CLTC: variants seen among roughly 807,000 people sequenced by gnomAD.
CLTC encodes clathrin heavy chain, also known as clathrin heavy chain 1.
Under a neutral mutation model 195.8 loss-of-function variants are expected in CLTC, and 16 were observed. That is an observed-to-expected ratio of 0.08 (90% CI 0.06 to 0.12). The LOEUF (loss-of-function observed/expected upper bound fraction) is 0.12. Ranked by LOEUF, CLTC falls within the 10% of genes least tolerant of loss-of-function variation. The pLI is 1.00. For missense variants in CLTC, 796 were observed against 2,027.0 expected, an observed-to-expected ratio of 0.39 and a Z score of 11.66; for synonymous variants, 667 against 689.4, an observed-to-expected ratio of 0.97 and a Z score of 0.51.
intron 1 of CLTC, among the ~76,000 whole-genome samples, chr17:59,643,321 C>T (rs1413080421): frequency 6.6e-6 from 1 of 151,956 alleles, no homozygotes; most frequent in Non-Finnish European, 1.5e-5. Flanking sequence ...TATTAATAAC[C>T]CACTATGGTA....
In CLTC at chr17:59,629,863, C is replaced by T. The variant is rs188362191; in HGVS notation, c.42+9690C>T. On this transcript the variant is annotated intron_variant, in intron 1 of 31. Transcript: ENST00000269122. The stretch of plus-strand genomic sequence containing the variant: ...AGAAAGATAAGAGAAAAACAACTCT[C>T]CTGATAACGCAAATAGATTTGATGT... 5.9e-5 allele frequency among the ~76,000 whole-genome samples: 9 copies of T among 151,916 alleles called. No individual in the cohort carries two copies. The East Asian group carries it at 1.8e-3, about 30-fold the overall frequency.
Position 59,682,292 on chromosome 17 carries a change from A to G in CLTC, c.3464A>G (p.Lys1155Arg). 1 of 1,614,046 alleles carries G rather than the reference A, an allele frequency of 6.2e-7. No individual in the cohort carries two copies. The highest frequency in any genetic ancestry group is 8.5e-7 in the Non-Finnish European group (1 of 1,179,928). The change falls in exon 22 of 32, where the codon AAG (lysine) becomes AGG (arginine). Residue 1155 changes from lysine to arginine, a missense_variant. Coordinates refer to ENST00000269122, the MANE Select transcript of CLTC (RefSeq NM_004859.4). The surrounding 1 kb of genome is among the most constrained non-coding windows in gnomAD (Gnocchi z 6.8). Reference sequence around the variant, plus strand: ...TTAGGAAACTGGGAAGAACTGGTGAAGTACTTGCAGATGGCCCGTAAGAAG... The same window carrying G: ...TTAGGAAACTGGGAAGAACTGGTGAGGTACTTGCAGATGGCCCGTAAGAAG... Reference protein sequence around the residue: ...NTSGNWEELVKYLQMARKKAR... With the variant: ...NTSGNWEELVRYLQMARKKAR...
At chr17:59,635,303 C>G (rs1014744569) in intron 1 of CLTC, among the ~76,000 whole-genome samples, 1 of 152,178 alleles carries the variant, frequency 6.6e-6, no homozygotes, top group Non-Finnish European at 1.5e-5. Flanking sequence ...CTGTCATAAA[C>G]CAGTTTTCAT....
Position 59,681,095 on chromosome 17 carries a change from A to T in CLTC, c.3065+38A>T, listed in dbSNP as rs952260800. On this transcript the variant is annotated intron_variant, in intron 19 of 31. Coordinates refer to ENST00000269122, the MANE Select transcript of CLTC (RefSeq NM_004859.4). This position sits in a 1 kb window ranked among gnomAD's most constrained non-coding sequence, Gnocchi z 5.0. ...AGGGATCCATTGGCTATTTATAGTC[A>T]GTCTTTAATAAATTATGGCCCATCA... 1.9e-6 allele frequency: 3 copies of T among 1,596,496 alleles called. No homozygotes were observed. Among genetic ancestry groups the T allele is most frequent in the Non-Finnish European group, 2.6e-6 (3 of 1,171,410 alleles).
chr17:59,678,436 A>G (rs983344577), intron 17 of CLTC, among the ~76,000 whole-genome samples: 10 of 152,208 alleles, frequency 6.6e-5, no homozygotes, highest in Non-Finnish European at 1.3e-4. Flanking sequence ...AAACTCCAGC[A>G]GTTTCTCCAC....
At chr17:59,622,486 T>C (rs2031411902) in intron 1 of CLTC, among the ~76,000 whole-genome samples, 1 of 152,140 alleles carries the variant, frequency 6.6e-6, no homozygotes, top group South Asian at 2.1e-4. Context: ...CAAGCCATCC[T>C]CCCACCTCAG....
Position 59,648,686 on chromosome 17 carries a change from A to AT in CLTC, c.681+293dup, listed in dbSNP as rs1598214749. 7.1e-5 allele frequency: 18 copies of AT among 253,070 alleles called. No individual in the cohort carries two copies. Among genetic ancestry groups the AT allele is most frequent in the South Asian group, 1.6e-4 (2 of 12,248 alleles). 15.7% of individuals were successfully genotyped at this position (253,070 alleles called of 1,614,324 possible). A position where few individuals can be genotyped will look rare whatever the true frequency, so the allele number is the denominator to read the frequency against. ...TTTGATTTAGTAGGTGTTGCCTATA[A>AT]TTTTTTTTGTTTATTTGTTGCTTTT... On this transcript the variant is annotated intron_variant, in intron 4 of 31. Coordinates refer to ENST00000269122, the MANE Select transcript of CLTC (RefSeq NM_004859.4). This position sits in a 1 kb window ranked among gnomAD's most constrained non-coding sequence, Gnocchi z 4.5.
chr17:59,677,008 G>C lies in CLTC; in HGVS notation c.2616G>C (p.Glu872Asp), dbSNP rs945446430. 6.2e-7 allele frequency: 1 copy of C among 1,613,974 alleles called. No individual in the cohort carries two copies. The highest frequency in any genetic ancestry group is 1.7e-5 in the Admixed American group (1 of 59,996). The change falls in exon 17 of 32, where the codon GAG (glutamate) becomes GAC (aspartate). Residue 872 changes from glutamate (E) to aspartate (D), a missense_variant. Transcript: ENST00000269122. ...LEARIHEGCEEPATHNALAKI... is the reference protein window; with the variant it reads ...LEARIHEGCEDPATHNALAKI... ...CCAGAATTCATGAGGGCTGTGAGGA[G>C]CCTGCTACTCACAATGCCTTAGCCA...
Position 59,666,236 on chromosome 17 carries a change from C to T in CLTC, c.1778C>T (p.Pro593Leu). The T allele has an allele frequency of 6.2e-7, 1 of 1,613,450 alleles. No individual in the cohort carries two copies. The highest frequency in any genetic ancestry group is 8.5e-7 in the Non-Finnish European group (1 of 1,179,506). The stretch of plus-strand genomic sequence containing the variant: ...CTTGAGATGAACCTTATGCATGCGC[C>T]TCAAGTATGTGTTTTAATGCTTTTT... ...RLLEMNLMHA[P>L]QVADAILGNQ... The change falls in exon 11 of 32, where the codon CCT (proline) becomes CTT (leucine). Residue 593 changes from proline (P) to leucine (L), a missense_variant. By Grantham distance (98) the Pro-to-Leu change is moderately conservative. This residue lies in a region of CLTC where 293 missense variants were observed against 795.6 expected (regional missense o/e 0.37). Transcript: ENST00000269122. This position sits in a 1 kb window ranked among gnomAD's most constrained non-coding sequence, Gnocchi z 4.9.
At chr17:59,624,562 A>G (rs1048262783) in intron 1 of CLTC, among the ~76,000 whole-genome samples, 9 of 143,610 alleles carry the variant, frequency 6.3e-5, no homozygotes, top group Non-Finnish European at 1.3e-4. Flanking sequence ...TCCACCTGCC[A>G]GGTTCAAGTG....
chr17:59,667,133 T>A (rs905068250), intron 13 of CLTC, 156 bp downstream of exon 13: 3 of 541,488 alleles, frequency 5.5e-6, no homozygotes, highest in Non-Finnish European at 9.7e-6. Flanking sequence ...GTCAAGGCCC[T>A]TTTATGTTGG....
intron 18 of CLTC, among the ~76,000 whole-genome samples, 160 bp from the exon 19 acceptor site, chr17:59,680,746 ACATATT>A (rs2033065324): frequency 2.0e-5 from 3 of 152,226 alleles, no homozygotes; most frequent in Non-Finnish European, 4.4e-5. Context: ...ACACAATTAT[ACATATT>A]GTATAGATTT....
intron 1 of CLTC, among the ~76,000 whole-genome samples, chr17:59,630,325 G>A (rs1327361485): frequency 1.3e-5 from 2 of 151,996 alleles, no homozygotes; most frequent in Non-Finnish European, 2.9e-5. Flanking sequence ...TTAAATGTCT[G>A]TAAAGTAAGC....
rs893667340 is a variant in CLTC, at chr17:59,666,410, G to A, written c.1783-70G>A. The A allele has an allele frequency of 9.0e-6, 14 of 1,556,286 alleles. No individual in the cohort carries two copies. The East Asian group carries it at 2.9e-4, about 33-fold the overall frequency. The stretch of plus-strand genomic sequence containing the variant: ...ACAGTTCACTATTAAACCTTAATCT[G>A]TAATACGGATATTGAATTACTCATG... On this transcript the variant is annotated intron_variant, in intron 11 of 31. Coordinates refer to ENST00000269122, the MANE Select transcript of CLTC (RefSeq NM_004859.4). The surrounding 1 kb of genome is among the most constrained non-coding windows in gnomAD (Gnocchi z 4.9).
chr17:59,689,193 C>G (rs2033245737), intron 30 of CLTC: 1 of 152,126 alleles, frequency 6.6e-6, no homozygotes, highest in Non-Finnish European at 1.5e-5. Context: ...TCTGAAGGAG[C>G]CTACTTAGGC....
intron 1 of CLTC, among the ~76,000 whole-genome samples, chr17:59,638,347 C>A (rs1298523826): frequency 6.6e-6 from 1 of 151,924 alleles, no homozygotes; most frequent in African/African-American, 2.4e-5. Flanking sequence ...TAAAAAAAAA[C>A]AGAAGGCAAT....
chr17:59,620,021 T>G lies in CLTC; in HGVS notation c.-111T>G. ...TTTCCTGCGTCCCCGGAGAGGATCCTGCTGAGCCCAGCCTCCCCCCTCCCC... is the reference window on the plus strand; with the variant it reads ...TTTCCTGCGTCCCCGGAGAGGATCCGGCTGAGCCCAGCCTCCCCCCTCCCC... On this transcript the variant is annotated 5_prime_UTR_variant, in exon 1 of 32. Coordinates refer to ENST00000269122, the MANE Select transcript of CLTC (RefSeq NM_004859.4). The G allele has an allele frequency of 1.1e-6, 1 of 946,114 alleles. No individual in the cohort carries two copies. 58.6% of individuals were successfully genotyped at this position (946,114 alleles called of 1,614,324 possible).
At chr17:59,693,398 A>G (rs940052346) in intron 31 of CLTC, among the ~76,000 whole-genome samples, 4 of 148,966 alleles carry the variant, frequency 2.7e-5, no homozygotes, top group African/African-American at 9.9e-5. Flanking sequence ...CTTTTAAAAA[A>G]TTCTTTTATT....
intron 15 of CLTC, among the ~76,000 whole-genome samples, chr17:59,674,193 ACTG>A (rs2032916241): frequency 1.3e-5 from 2 of 152,110 alleles, no homozygotes; most frequent in Admixed American, 6.6e-5. Context: ...TAAGAATAGA[ACTG>A]CTATTATTGA....
Sources: allele counts gnomAD v4.1 joint callset (sites outside exome capture counted in the v4.1 genomes callset), GRCh38; gene constraint gnomAD v4.1.1; regional missense constraint gnomAD v4.1.1; non-coding constraint Gnocchi (gnomAD v3.1); transcripts MANE v1.5; gene names NCBI Gene and HGNC (gene_info 2026-07-23, HGNC 2026-07-21).